Variants in RGS6 observed in about 807,000 individuals in gnomAD.
RGS6 encodes the protein regulator of G-protein signaling 6.
RGS6 carries 30 observed loss-of-function variants against 78.5 expected under a neutral mutation model. The ratio of observed to expected loss-of-function variants is 0.38; its 90% CI spans 0.29 to 0.52. RGS6 has a LOEUF of 0.52. Ranked by LOEUF, RGS6 falls within the 20% of genes least tolerant of loss-of-function variation. The probability of loss-of-function intolerance (pLI) is 0.85; values close to 1 mark genes in which losing one functional copy is unlikely to be tolerated. For synonymous variants in RGS6, 206 were observed against 206.0 expected, an observed-to-expected ratio of 1.00 and a Z score of 0.00; for missense variants, 495 against 609.7, an observed-to-expected ratio of 0.81 and a Z score of 1.98.
intron 17 of RGS6, among the ~76,000 whole-genome samples, chr14:72,542,081 G>T (rs919149822): frequency 5.3e-5 from 8 of 151,934 alleles, no homozygotes; most frequent in African/African-American, 1.9e-4. Flanking sequence ...GCTCCTGAGG[G>T]TGTGGATAAA....
intron 9 of RGS6, among the ~76,000 whole-genome samples, chr14:72,473,570 A>G (rs1028929099): frequency 6.6e-6 from 1 of 152,194 alleles, no homozygotes; most frequent in African/African-American, 2.4e-5. Context: ...TTCCATTTCC[A>G]CTGCTATTCA....
the RGS6 span, among the ~76,000 whole-genome samples, chr14:72,576,660 TC>T: frequency 6.6e-6 from 1 of 152,230 alleles, no homozygotes; most frequent in Non-Finnish European, 1.5e-5. Context: ...CATGCTGTGG[TC>T]CCATGATGCA....
intron 2 of RGS6, among the ~76,000 whole-genome samples, chr14:72,305,455 C>T (rs2067025083): frequency 6.6e-6 from 1 of 152,112 alleles, no homozygotes; most frequent in Non-Finnish European, 1.5e-5. Flanking sequence ...TGCCATTTTC[C>T]CAAAAGCATG....
chr14:72,374,055 T>C (rs893175508), intron 3 of RGS6, among the ~76,000 whole-genome samples: 1 of 152,208 alleles, frequency 6.6e-6, no homozygotes, highest in South Asian at 2.1e-4. Flanking sequence ...AAAATCAGAA[T>C]GTTGTTGAAA....
chr14:72,224,073 A>G (rs11622985), intron 2 of RGS6, among the ~76,000 whole-genome samples: 2,777 of 152,360 alleles, frequency 0.018, 36 homozygotes, highest in East Asian at 0.061. Context: ...TTTGCCGTCA[A>G]CAGCTGAAAT....
chr14:72,488,963 A>C (rs951787439), intron 12 of RGS6, among the ~76,000 whole-genome samples: 2 of 152,184 alleles, frequency 1.3e-5, no homozygotes, highest in African/African-American at 4.8e-5. Flanking sequence ...TTCATTTTTC[A>C]ATCCCTATGT....
At chr14:71,874,316 A>C in the RGS6 span, among the ~76,000 whole-genome samples, 2 of 151,548 alleles carry the variant, frequency 1.3e-5, no homozygotes, top group Non-Finnish European at 2.9e-5. Context: ...TTTTTATTTC[A>C]TTGAGCAGTG....
intron 3 of RGS6, among the ~76,000 whole-genome samples, chr14:72,366,156 T>C (rs1194910227): frequency 6.6e-6 from 1 of 152,172 alleles, no homozygotes; most frequent in Non-Finnish European, 1.5e-5. Context: ...TCTTCTATGA[T>C]TTTGAGTTTG....
chr14:72,442,322 G>A (rs1251949674), intron 3 of RGS6, among the ~76,000 whole-genome samples: 1 of 152,066 alleles, frequency 6.6e-6, no homozygotes, highest in African/African-American at 2.4e-5. Flanking sequence ...GCTGCAGGCT[G>A]TTCTGCATGA....
At chr14:72,410,017 T>G (rs564200411) in intron 3 of RGS6, among the ~76,000 whole-genome samples, 8,040 of 152,282 alleles carry the variant, frequency 0.053, 484 homozygotes, top group African/African-American at 0.15. Flanking sequence ...AGTGCCGCAA[T>G]AAACATACAT....
At chr14:72,079,079 A>G (rs920919447) in intron 2 of RGS6, among the ~76,000 whole-genome samples, 1 of 152,138 alleles carries the variant, frequency 6.6e-6, no homozygotes, top group African/African-American at 2.4e-5. Context: ...AAGGACACCT[A>G]GATGCCCTCC....
intron 2 of RGS6, among the ~76,000 whole-genome samples, chr14:72,177,223 C>T (rs1157657271): frequency 6.6e-6 from 1 of 152,080 alleles, no homozygotes; most frequent in Non-Finnish European, 1.5e-5. Context: ...ACATAGGCAC[C>T]CATGTCTCTC....
Position 72,510,200 on chromosome 14 carries a change from G to A in RGS6, c.1012G>A (p.Asp338Asn), listed in dbSNP as rs943814526. 15 of 1,613,340 alleles carry A rather than the reference G, an allele frequency of 9.3e-6. No homozygotes were observed. The highest frequency in any genetic ancestry group is 5.3e-5 in the African/African-American group (4 of 74,848). Residue 338 changes from aspartate (D) to asparagine (N), a missense_variant, in exon 14 of 18, where the codon GAT becomes AAT. Transcript: ENST00000553525. ...AGTAAAAAGATGGGGCTTCTCTTTC[G>A]ATGAGATATTGAAGGACCAGGTGGG... ...QRVKRWGFSF[D>N]EILKDQVGRD...
intron 2 of RGS6, among the ~76,000 whole-genome samples, chr14:72,049,997 C>T (rs554492890): frequency 6.6e-6 from 1 of 152,142 alleles, no homozygotes; most frequent in Admixed American, 6.5e-5. Context: ...GATTTTGATG[C>T]AGTAAAGACA....
intron 2 of RGS6, among the ~76,000 whole-genome samples, chr14:72,056,207 A>G (rs939695095): frequency 1.8e-4 from 27 of 152,190 alleles, no homozygotes; most frequent in Non-Finnish European, 5.9e-5. Flanking sequence ...TGAAGCCCAG[A>G]GAAGTTAAGA....
intron 17 of RGS6, 63 bp downstream of exon 17, chr14:72,540,157 C>CTTTTTTTTTTTTTTTTTCTTTTT: frequency 1.5e-6 from 2 of 1,296,088 alleles, no homozygotes; most frequent in African/African-American, 1.6e-5. Context: ...CTTTCTTCTT[C>CTTTTTTTTTTTTTTTTTCTTTTT]TTTTTTTTTT....
intron 17 of RGS6, chr14:72,552,583 T>C (rs1156265751): frequency 2.0e-5 from 3 of 152,286 alleles, no homozygotes; most frequent in East Asian, 3.8e-4. Context: ...CACTCACCTC[T>C]CAGCTGTCTG....
At chr14:71,947,658 G>A (rs1009492532) in intron 1 of RGS6, among the ~76,000 whole-genome samples, 2 of 152,108 alleles carry the variant, frequency 1.3e-5, no homozygotes, top group African/African-American at 4.8e-5. Context: ...CTAATTTTGT[G>A]TTTATTGTAG....
At chr14:72,260,762 G>C (rs944294103) in intron 2 of RGS6, among the ~76,000 whole-genome samples, 28 of 152,220 alleles carry the variant, frequency 1.8e-4, no homozygotes, top group African/African-American at 6.5e-4. Flanking sequence ...TTAGGGATCT[G>C]TGAGCATATA....
Sources: gnomAD v4.1 joint callset for allele counts (sites outside exome capture counted in the v4.1 genomes callset) on GRCh38, gnomAD v4.1.1 for gene constraint, MANE v1.5 for transcripts, NCBI Gene and HGNC (gene_info 2026-07-23, HGNC 2026-07-21) for gene names.